TIGD2: variants seen among roughly 807,000 people sequenced by gnomAD.
TIGD2 encodes tigger transposable element-derived protein 2.
A neutral mutation model predicts 27.0 loss-of-function variants in TIGD2; 14 were observed. That is an observed-to-expected ratio of 0.52 (90% confidence interval 0.34 to 0.81). TIGD2 has a LOEUF of 0.81. Among genes scored for constraint, TIGD2 ranks in the 30% least tolerant of loss-of-function variants. The pLI is 0.01. For synonymous variants in TIGD2, 201 were observed against 209.0 expected, an observed-to-expected ratio of 0.96 and a Z score of 0.33; for missense variants, 590 against 617.3, an observed-to-expected ratio of 0.96 and a Z score of 0.47.
At position 89,114,700 on chromosome 4, in the gene TIGD2, A is replaced by T; in HGVS notation, c.*148A>T. On this transcript the variant is annotated 3_prime_UTR_variant, in exon 2 of 2. Coordinates refer to ENST00000603357, the MANE Select transcript of TIGD2 (RefSeq NM_145715.3). ...TGTCAGTTTGGATTACTTAAATTAC[A>T]ACTCTTTAATGTTGACTCTAGTCAT... 1.3e-6 allele frequency: 1 copy of T among 782,988 alleles called. No individual in the cohort carries two copies. Among genetic ancestry groups the T allele is most frequent in the African/African-American group, 1.7e-5 (1 of 57,182 alleles). 48.5% of individuals were successfully genotyped at this position (782,988 alleles called of 1,614,324 possible).
chr4:89,111,191 G>C (rs1025130816), upstream of TIGD2: 1 of 985,540 alleles, frequency 1.0e-6, no homozygotes, highest in Non-Finnish European at 1.2e-6. Flanking sequence ...GCCCGCTCCC[G>C]GCACGCGAGG....
In TIGD2 at chr4:89,113,142, A is replaced by G. The variant is rs781070812; in HGVS notation, c.168A>G (p.Ala56=). 1 of 1,613,990 alleles carries G rather than the reference A, an allele frequency of 6.2e-7. No homozygotes were observed. Among genetic ancestry groups the G allele is most frequent in the Non-Finnish European group, 8.5e-7 (1 of 1,180,028 alleles). The change falls in exon 2 of 2, where the codon GCA becomes GCG. Residue 56 remains alanine (A), a synonymous_variant. Coordinates refer to ENST00000603357, the MANE Select transcript of TIGD2 (RefSeq NM_145715.3). The stretch of plus-strand genomic sequence containing the variant: ...ACAAAGAAAGGATTATAAACTATGC[A>G]AACAGTTCAGATCCTACCAGTGGAG... ...KKNKERIINY[A]NSSDPTSGVS... is the part of the protein sequence containing the mutation.
Position 89,112,569 on chromosome 4 carries a change from CATTTCCTAAA to C in TIGD2, c.-403_-394del, listed in dbSNP as rs1721116910. The C allele has an allele frequency of 6.3e-6, 1 of 158,988 alleles. No individual in the cohort carries two copies. Among genetic ancestry groups the C allele is most frequent in the Non-Finnish European group, 1.4e-5 (1 of 72,974 alleles). 9.8% of individuals were successfully genotyped at this position (158,988 alleles called of 1,614,324 possible). ...GACTTAAACTGTTTACTCCCTAGCA[CATTTCCTAAA>C]ATACTTCCACCTGAGATTTAGTGGC... On this transcript the variant is annotated 5_prime_UTR_variant, in exon 2 of 2. Coordinates refer to ENST00000603357, the MANE Select transcript of TIGD2 (RefSeq NM_145715.3).
chr4:89,114,595 AT>A lies in TIGD2; in HGVS notation c.*44del, dbSNP rs1295410766. ...TCAGTGTATCTGCATCTTTGTGACT[AT>A]CTGCAGTGAAACTTTGCTTGTTTGA... On this transcript the variant is annotated 3_prime_UTR_variant, in exon 2 of 2. Coordinates refer to ENST00000603357, the MANE Select transcript of TIGD2 (RefSeq NM_145715.3). The A allele has an allele frequency of 6.6e-7, 1 of 1,508,744 alleles. No homozygotes were observed. The highest frequency in any genetic ancestry group is 1.4e-5 in the African/African-American group (1 of 71,636). 93.5% of individuals were successfully genotyped at this position (1,508,744 alleles called of 1,614,324 possible). A position where few individuals can be genotyped will look rare whatever the true frequency, so the allele number is the denominator to read the frequency against.
upstream of TIGD2, chr4:89,111,205 C>T (rs1011107114): frequency 1.3e-5 from 13 of 985,474 alleles, no homozygotes; most frequent in Non-Finnish European, 1.4e-5. Context: ...CGCGAGGATC[C>T]TCCGCTTTCC....
chr4:89,113,553 T>A lies in TIGD2; in HGVS notation c.579T>A (p.Leu193=), dbSNP rs777563027. 19 of 1,614,020 alleles carry A rather than the reference T, an allele frequency of 1.2e-5. No individual in the cohort carries two copies. The highest frequency in any genetic ancestry group is 1.6e-5 in the Non-Finnish European group (19 of 1,180,030). The change falls in exon 2 of 2, where the codon CTT becomes CTA. Residue 193 remains leucine, a synonymous_variant. Transcript: ENST00000603357. ...WKCLPSRTLT[L]ETDQSTSGCR... ...GTCTACCATCAAGGACATTAACTCT[T>A]GAAACTGACCAAAGTACTTCTGGGT...
upstream of TIGD2, chr4:89,111,407 C>G (rs1358600858): frequency 1.7e-5 from 1 of 59,982 alleles, no homozygotes; most frequent in Non-Finnish European, 2.0e-5. Flanking sequence ...GAGACGCACC[C>G]CTGCCGGGCC....
At position 89,113,389 on chromosome 4, in the gene TIGD2, G is replaced by A. The variant is rs750656084; in HGVS notation, c.415G>A (p.Ala139Thr). Residue 139 changes from alanine to threonine, a missense_variant, in exon 2 of 2, where the codon GCT becomes ACT. By Grantham distance (58) the Ala-to-Thr change is moderately conservative. Coordinates refer to ENST00000603357, the MANE Select transcript of TIGD2 (RefSeq NM_145715.3). ...GCAGCGCCATGGTATTCCAAAGGCT[G>A]CTGGTAAAGGAACAAAATTAAAAGG... ...FKQRHGIPKAAGKGTKLKGDE... is the reference protein window; with the variant it reads ...FKQRHGIPKATGKGTKLKGDE... 2 of 1,614,178 alleles carry A rather than the reference G, an allele frequency of 1.2e-6. No individual in the cohort carries two copies. The highest frequency in any genetic ancestry group is 2.2e-5 in the East Asian group (1 of 44,894).
At position 89,113,346 on chromosome 4, in the gene TIGD2, C is replaced by T; in HGVS notation, c.372C>T (p.Gly124=). 6.2e-7 allele frequency: 1 copy of T among 1,614,182 alleles called. No homozygotes were observed. The highest frequency in any genetic ancestry group is 1.1e-5 in the South Asian group (1 of 91,082). The change falls in exon 2 of 2, where the codon GGC becomes GGT. Residue 124 remains glycine, a synonymous_variant. Coordinates refer to ENST00000603357, the MANE Select transcript of TIGD2 (RefSeq NM_145715.3). ...AAGGTGATTTTAATGCATCGTCAGG[C>T]TGGCTAACTCGATTTAAGCAGCGCC... ...GMEGDFNASS[G]WLTRFKQRHG...
Position 89,113,203 on chromosome 4 carries a change from G to A in TIGD2, c.229G>A (p.Glu77Lys), listed in dbSNP as rs760202653. The change falls in exon 2 of 2, where the codon GAG becomes AAG. Residue 77 changes from glutamate to lysine, a missense_variant. Coordinates refer to ENST00000603357, the MANE Select transcript of TIGD2 (RefSeq NM_145715.3). ...KRKSMKSSTY[E>K]ELDRVMIEWF... The stretch of plus-strand genomic sequence containing the variant: ...TAAATCTATGAAGTCATCAACATAC[G>A]AGGAGCTTGATAGAGTTATGATAGA... 3 of 1,614,040 alleles carry A rather than the reference G, an allele frequency of 1.9e-6. No homozygotes were observed. The highest frequency in any genetic ancestry group is 2.5e-6 in the Non-Finnish European group (3 of 1,180,014).
chr4:89,113,784 T>G lies in TIGD2; in HGVS notation c.810T>G (p.Phe270Leu). 1.2e-6 allele frequency: 2 copies of G among 1,614,212 alleles called. No individual in the cohort carries two copies. The highest frequency in any genetic ancestry group is 1.7e-6 in the Non-Finnish European group (2 of 1,180,044). Reference protein sequence around the residue: ...SVFRQWFEKYFVPQVQKHLKS... With the variant: ...SVFRQWFEKYLVPQVQKHLKS... ...TCAGACAGTGGTTTGAAAAGTACTTTGTGCCACAGGTACAGAAGCATTTGA... is the reference window on the plus strand; with the variant it reads ...TCAGACAGTGGTTTGAAAAGTACTTGGTGCCACAGGTACAGAAGCATTTGA... The change falls in exon 2 of 2, where the codon TTT becomes TTG. Residue 270 changes from phenylalanine to leucine, a missense_variant. Physicochemically the swap from Phe to Leu is conservative, Grantham distance 22. This residue lies in a region of TIGD2 where 451 missense variants were observed against 448.0 expected (regional missense o/e 1.01). Transcript: ENST00000603357.
chr4:89,113,432 G>A lies in TIGD2; in HGVS notation c.458G>A (p.Arg153Lys). ...TTAAAAGGAGATGAAACTGCTGCCAGAGAATTTTGTGGTAGCTTTCAGGAA... is the reference window on the plus strand; with the variant it reads ...TTAAAAGGAGATGAAACTGCTGCCAAAGAATTTTGTGGTAGCTTTCAGGAA... The part of the protein sequence containing the change: ...TKLKGDETAA[R>K]EFCGSFQEFV... Residue 153 changes from arginine (R) to lysine (K), a missense_variant, in exon 2 of 2, where the codon AGA becomes AAA. By Grantham distance (26) the Arg-to-Lys change is conservative. Coordinates refer to ENST00000603357, the MANE Select transcript of TIGD2 (RefSeq NM_145715.3). 6.2e-7 allele frequency: 1 copy of A among 1,614,164 alleles called. No homozygotes were observed. Among genetic ancestry groups the A allele is most frequent in the Non-Finnish European group, 8.5e-7 (1 of 1,180,036 alleles).
At position 89,114,171 on chromosome 4, in the gene TIGD2, C is replaced by T; in HGVS notation, c.1197C>T (p.Asn399=). ...FPGNEENSGM[N]IDEGAILAAN... ...GCAATGAAGAGAATTCAGGTATGAA[C>T]ATTGATGAAGGAGCCATTTTAGCAG... Residue 399 remains asparagine, a synonymous_variant, in exon 2 of 2, where the codon AAC becomes AAT. Transcript: ENST00000603357. The T allele has an allele frequency of 2.5e-6, 4 of 1,614,118 alleles. No homozygotes were observed. Among genetic ancestry groups the T allele is most frequent in the Middle Eastern group, 1.6e-4 (1 of 6,062 alleles).
At position 89,114,228 on chromosome 4, in the gene TIGD2, A is replaced by T. The variant is rs1404264494; in HGVS notation, c.1254A>T (p.Glu418Asp). 7.4e-6 allele frequency: 12 copies of T among 1,614,164 alleles called. No individual in the cohort carries two copies. The East Asian group carries it at 2.5e-4, about 33-fold the overall frequency. ...ANLATVLQNT[E>D]ECEHVDIENI... ...TAGCAACAGTTTTACAGAACACAGAAGAATGTGAACATGTTGACATTGAGA... is the reference window on the plus strand; with the variant it reads ...TAGCAACAGTTTTACAGAACACAGATGAATGTGAACATGTTGACATTGAGA... The change falls in exon 2 of 2, where the codon GAA (glutamate) becomes GAT (aspartate). Residue 418 changes from glutamate (E) to aspartate (D), a missense_variant. Physicochemically the swap from Glu to Asp is conservative, Grantham distance 45. Coordinates refer to ENST00000603357, the MANE Select transcript of TIGD2 (RefSeq NM_145715.3).
chr4:89,114,684 G>C lies in TIGD2; in HGVS notation c.*132G>C, dbSNP rs985231949. On this transcript the variant is annotated 3_prime_UTR_variant, in exon 2 of 2. Transcript: ENST00000603357. ...TGATTTTGGAATTAGATGTCAGTTT[G>C]GATTACTTAAATTACAACTCTTTAA... The C allele has an allele frequency of 1.1e-6, 1 of 927,850 alleles. No individual in the cohort carries two copies. Among genetic ancestry groups the C allele is most frequent in the Admixed American group, 3.0e-5 (1 of 32,806 alleles). 57.5% of individuals were successfully genotyped at this position (927,850 alleles called of 1,614,324 possible). A position where few individuals can be genotyped will look rare whatever the true frequency, so the allele number is the denominator to read the frequency against.
rs140174752 is a variant in TIGD2 at position 89,113,655 on chromosome 4, T to C, written c.681T>C (p.Val227=). The C allele has an allele frequency of 1.2e-5, 19 of 1,614,050 alleles. No homozygotes were observed. The highest frequency in any genetic ancestry group is 5.9e-6 in the Non-Finnish European group (7 of 1,180,046). ...ATGLHKLNLC[V]VGKAKKPRAF... is the part of the protein sequence containing the mutation. ...GTTTACACAAACTTAATCTTTGTGT[T>C]GTGGGGAAGGCCAAAAAGCCCCGAG... is the stretch of plus-strand genomic sequence containing the variant. Residue 227 remains valine, a synonymous_variant, in exon 2 of 2, where the codon GTT becomes GTC. Transcript: ENST00000603357.
upstream of TIGD2, chr4:89,111,329 C>A: frequency 4.6e-6 from 3 of 647,094 alleles, no homozygotes; most frequent in Non-Finnish European, 5.8e-6. Flanking sequence ...TGTGCCTCCC[C>A]CTGCCGGCCA....
In TIGD2 at chr4:89,113,574, T is replaced by A. The variant is rs745564163; in HGVS notation, c.600T>A (p.Ser200=). 6.2e-6 allele frequency: 10 copies of A among 1,614,148 alleles called. No individual in the cohort carries two copies. In the South Asian group the frequency reaches 1.1e-4, roughly 18 times the overall value. Residue 200 remains serine, a synonymous_variant, in exon 2 of 2, where the codon TCT becomes TCA. Transcript: ENST00000603357. ...TLTLETDQST[S]GCRSSRERII... ...CTCTTGAAACTGACCAAAGTACTTC[T>A]GGGTGTAGGTCAAGCAGAGAGAGAA...
In TIGD2 at chr4:89,114,506, C is replaced by T. The variant is rs2149218681; in HGVS notation, c.1532C>T (p.Thr511Ile). The T allele has an allele frequency of 6.3e-7, 1 of 1,591,506 alleles. No homozygotes were observed. The highest frequency in any genetic ancestry group is 1.1e-5 in the South Asian group (1 of 88,068). Residue 511 changes from threonine (T) to isoleucine (I), a missense_variant, in exon 2 of 2, where the codon ACC (threonine) becomes ATC (isoleucine). By Grantham distance (89) the Thr-to-Ile change is moderately conservative (BLOSUM62 -1). Transcript: ENST00000603357. ...SDKLVLRRLR[T>I]IIRKKQKIQN... Reference sequence around the variant, plus strand: ...AAATTGGTATTAAGGAGGCTTCGGACCATAATAAGAAAAAAACAGAAGATC... The same window carrying T: ...AAATTGGTATTAAGGAGGCTTCGGATCATAATAAGAAAAAAACAGAAGATC...
Sources: allele counts gnomAD v4.1 joint callset, GRCh38; gene constraint gnomAD v4.1.1; regional missense constraint gnomAD v4.1.1; transcripts MANE v1.5; gene names NCBI Gene and HGNC (gene_info 2026-07-23, HGNC 2026-07-21).